MIPOL1: variants seen among roughly 807,000 people sequenced by gnomAD.
The protein encoded by MIPOL1 is mirror-image polydactyly gene 1 protein.
A neutral mutation model predicts 60.9 loss-of-function variants in MIPOL1; 57 were observed. That is an observed-to-expected ratio of 0.94 (90% CI 0.76 to 1.17). MIPOL1 has a LOEUF of 1.17. MIPOL1 is among the 50% of genes most tolerant of loss of function. The pLI is 0.00. For missense variants in MIPOL1, 551 were observed against 511.6 expected (o/e 1.08, Z -0.74); for synonymous variants, 179 against 168.8 (o/e 1.06, Z -0.47).
At chr14:37,503,749 C>T (rs1036679384) in intron 12 of MIPOL1, 2 of 152,176 alleles carry the variant, frequency 1.3e-5, no homozygotes, top group African/African-American at 4.8e-5. Context: ...CAAATTCACT[C>T]ATAACAATAT....
intron 10 of MIPOL1, among the ~76,000 whole-genome samples, chr14:37,390,329 G>A (rs1303621482): frequency 6.6e-6 from 1 of 152,012 alleles, no homozygotes; most frequent in Non-Finnish European, 1.5e-5. Context: ...AGAGATGAAG[G>A]TTAAACCTCA....
In MIPOL1 at chr14:37,408,139, T is replaced by G. The variant is rs73267941; in HGVS notation, c.937-14716T>G. Reference sequence around the variant, plus strand: ...CTCCTGCCTCAGTCTCCCAAAGTGTTGGGAACACTGGCGTGAGCCACCACA... The same window carrying G: ...CTCCTGCCTCAGTCTCCCAAAGTGTGGGGAACACTGGCGTGAGCCACCACA... On this transcript the variant is annotated intron_variant, in intron 10 of 12. Transcript: ENST00000684589. Among the ~76,000 whole-genome samples the G allele has an allele frequency of 5.4e-4, 82 of 152,206 alleles. 1 individual carries two copies. The highest frequency in any genetic ancestry group is 2.0e-3 in the African/African-American group (81 of 41,532).
At chr14:37,356,885 G>C (rs1355279017) in intron 9 of MIPOL1, among the ~76,000 whole-genome samples, 1 of 152,170 alleles carries the variant, frequency 6.6e-6, no homozygotes. Flanking sequence ...GCCACGCTGG[G>C]AGCTGTAGAC....
At chr14:37,317,334 T>C (rs2088021818) in intron 9 of MIPOL1, among the ~76,000 whole-genome samples, 1 of 152,208 alleles carries the variant, frequency 6.6e-6, no homozygotes, top group Admixed American at 6.5e-5. Flanking sequence ...AATGTAGGAT[T>C]GCCAGGCAGA....
At chr14:37,525,041 G>C (rs2095438763) in intron 12 of MIPOL1, among the ~76,000 whole-genome samples, 1 of 152,158 alleles carries the variant, frequency 6.6e-6, no homozygotes, top group South Asian at 2.1e-4. Context: ...ATAATGAAAG[G>C]ATAGAAGATG....
rs138444254 is a variant in MIPOL1, at chr14:37,456,364, G to T, written c.1031+33415G>T. On this transcript the variant is annotated intron_variant, in intron 11 of 12. Transcript: ENST00000684589. ...CCAGATGAAGAACAAATTATAGCCT[G>T]GGACCCTGTTCATACTTATATTATG... 8.9e-3 allele frequency among the ~76,000 whole-genome samples: 1,361 copies of T among 152,084 alleles called. 76 individuals are homozygous for T. Among genetic ancestry groups the T allele is most frequent in the Admixed American group, 0.082 (1,250 of 15,268 alleles).
chr14:37,281,448 A>G (rs1353069346), intron 6 of MIPOL1, among the ~76,000 whole-genome samples: 1 of 152,146 alleles, frequency 6.6e-6, no homozygotes, highest in East Asian at 1.9e-4. Context: ...TCTGTCGCCC[A>G]GGCTGGAATA....
intron 11 of MIPOL1, among the ~76,000 whole-genome samples, chr14:37,499,086 G>A (rs909550794): frequency 2.0e-5 from 3 of 152,018 alleles, no homozygotes; most frequent in African/African-American, 7.2e-5. Flanking sequence ...CTCCTGTGTG[G>A]AGTTTAAATT....
intron 9 of MIPOL1, among the ~76,000 whole-genome samples, chr14:37,321,662 A>C (rs1308045635): frequency 6.6e-6 from 1 of 152,034 alleles, no homozygotes; most frequent in African/African-American, 2.4e-5. Flanking sequence ...GTCAGTTATC[A>C]AGAGAGATGT....
intron 9 of MIPOL1, among the ~76,000 whole-genome samples, chr14:37,352,890 C>G (rs2091510209): frequency 1.4e-5 from 2 of 138,486 alleles, no homozygotes; most frequent in Non-Finnish European, 3.1e-5. Flanking sequence ...AATTGAATAC[C>G]CTTTATTTCC....
intron 9 of MIPOL1, among the ~76,000 whole-genome samples, chr14:37,344,217 A>G (rs2090776977): frequency 6.6e-6 from 1 of 152,084 alleles, no homozygotes; most frequent in African/African-American, 2.4e-5. Context: ...GAATCTATAA[A>G]TAAGAATCAC....
intron 1 of MIPOL1, among the ~76,000 whole-genome samples, chr14:37,214,230 A>T (rs910859262): frequency 6.6e-6 from 1 of 152,248 alleles, no homozygotes; most frequent in Non-Finnish European, 1.5e-5. Flanking sequence ...AGTAGAAAGA[A>T]TAAATGATAA....
chr14:37,268,786 A>G lies in MIPOL1; in HGVS notation c.380A>G (p.Asn127Ser), dbSNP rs1293362122. Residue 127 changes from asparagine to serine, a missense_variant, in exon 5 of 13, where the codon AAT becomes AGT. Physicochemically the swap from Asn to Ser is conservative, Grantham distance 46. Transcript: ENST00000684589. ...LKELDILRTS[N>S]KKLQQKLAKE... The stretch of plus-strand genomic sequence containing the variant: ...GAATTGGATATTCTCAGAACAAGCA[A>G]TAAAAAGGTATAATATGGAAAGTCT... The G allele has an allele frequency of 6.4e-7, 1 of 1,570,066 alleles. No individual in the cohort carries two copies. The highest frequency in any genetic ancestry group is 8.7e-7 in the Non-Finnish European group (1 of 1,153,688).
intron 6 of MIPOL1, 58 bp from the exon 7 acceptor site, chr14:37,285,260 G>A: frequency 6.3e-7 from 1 of 1,591,654 alleles, no homozygotes. Context: ...TTTTGCTAAA[G>A]GTATACATTT....
chr14:37,233,871 G>A (rs537601299), intron 1 of MIPOL1, among the ~76,000 whole-genome samples: 37 of 152,228 alleles, frequency 2.4e-4, no homozygotes, highest in African/African-American at 8.9e-4. Flanking sequence ...AAAATGCCTC[G>A]AACATCTTAA....
At chr14:37,455,011 C>A (rs921728950) in intron 11 of MIPOL1, among the ~76,000 whole-genome samples, 2 of 152,068 alleles carry the variant, frequency 1.3e-5, no homozygotes, top group Non-Finnish European at 2.9e-5. Flanking sequence ...GATTTTTTAA[C>A]CCCAACCTGT....
At chr14:37,309,777 C>G (rs1415720235) in intron 9 of MIPOL1, among the ~76,000 whole-genome samples, 1 of 151,682 alleles carries the variant, frequency 6.6e-6, no homozygotes, top group African/African-American at 2.4e-5. Context: ...GTCTGTGCCT[C>G]CCAGGTTCAA....
At chr14:37,469,806 T>C (rs1423788236) in intron 11 of MIPOL1, among the ~76,000 whole-genome samples, 1 of 152,170 alleles carries the variant, frequency 6.6e-6, no homozygotes, top group East Asian at 1.9e-4. Flanking sequence ...TTCTCTCTCT[T>C]GTGTGTCCAC....
chr14:37,512,855 T>C (rs920221284), intron 12 of MIPOL1, among the ~76,000 whole-genome samples: 1 of 152,202 alleles, frequency 6.6e-6, no homozygotes, highest in Non-Finnish European at 1.5e-5. Context: ...ATTAGTACTA[T>C]TAATAAGTGG....
Sources: gnomAD v4.1 joint callset for allele counts (sites outside exome capture counted in the v4.1 genomes callset) on GRCh38, gnomAD v4.1.1 for gene constraint, MANE v1.5 for transcripts, NCBI Gene and HGNC (gene_info 2026-07-23, HGNC 2026-07-21) for gene names.